The following CCSER1 variants were observed in gnomAD, a reference collection of about 807,000 sequenced individuals.
The protein encoded by CCSER1 is coiled-coil serine rich protein 1.
CCSER1 carries 41 observed loss-of-function variants against 82.0 expected under a neutral mutation model. That is an observed-to-expected ratio of 0.50 (90% CI 0.39 to 0.65). CCSER1 has a LOEUF of 0.65. Ranked by LOEUF, CCSER1 falls within the 30% of genes least tolerant of loss-of-function variation. CCSER1 has a pLI of 0.00. For missense variants in CCSER1, 1,119 were observed against 1,064.2 expected (o/e 1.05, Z -0.72); for synonymous variants, 414 against 383.9 (o/e 1.08, Z -0.92).
intron 10 of CCSER1, among the ~76,000 whole-genome samples, chr4:91,404,462 TC>T (rs1042785946): frequency 4.9e-4 from 75 of 152,326 alleles, no homozygotes; most frequent in African/African-American, 1.7e-3. Flanking sequence ...TGCTCTTGCT[TC>T]TCTAGTTCTT....
At chr4:90,501,315 AC>A (rs1413766583) in intron 5 of CCSER1, among the ~76,000 whole-genome samples, 24 of 152,164 alleles carry the variant, frequency 1.6e-4, no homozygotes, top group Admixed American at 1.5e-3. Context: ...CTTTAAAGTG[AC>A]AAAAATTCTA....
At chr4:91,525,014 G>A (rs988182230) in intron 10 of CCSER1, among the ~76,000 whole-genome samples, 1 of 152,050 alleles carries the variant, frequency 6.6e-6, no homozygotes, top group African/African-American at 2.4e-5. Context: ...AGAACCTGGA[G>A]AGTGGATCAA....
chr4:90,578,130 T>C (rs1780974031), intron 5 of CCSER1, among the ~76,000 whole-genome samples: 1 of 152,168 alleles, frequency 6.6e-6, no homozygotes, highest in South Asian at 2.1e-4. Context: ...ATGATTACTT[T>C]GAGGATTTTT....
At chr4:90,871,491 A>G (rs1324955376) in intron 8 of CCSER1, among the ~76,000 whole-genome samples, 1 of 151,710 alleles carries the variant, frequency 6.6e-6, no homozygotes, top group Non-Finnish European at 1.5e-5. Flanking sequence ...TCCTCTTGTT[A>G]TTGATTTTCA....
chr4:91,439,882 T>C (rs1445645339), intron 10 of CCSER1, among the ~76,000 whole-genome samples: 2 of 152,170 alleles, frequency 1.3e-5, no homozygotes, highest in African/African-American at 4.8e-5. Context: ...CATTACATAA[T>C]GGTAAAGGGA....
chr4:90,201,168 C>A (rs1164110363), intron 1 of CCSER1, among the ~76,000 whole-genome samples: 1 of 152,106 alleles, frequency 6.6e-6, no homozygotes, highest in Non-Finnish European at 1.5e-5. Flanking sequence ...ATTCCTAGGG[C>A]AAATATACAC....
chr4:91,430,635 A>G (rs1754243024), intron 10 of CCSER1, among the ~76,000 whole-genome samples: 1 of 152,258 alleles, frequency 6.6e-6, no homozygotes, highest in African/African-American at 2.4e-5. Context: ...CCAAAAAAAG[A>G]AAACATTATG....
At chr4:90,769,046 A>C (rs1362364008) in intron 7 of CCSER1, among the ~76,000 whole-genome samples, 2 of 152,208 alleles carry the variant, frequency 1.3e-5, no homozygotes, top group Non-Finnish European at 2.9e-5. Flanking sequence ...ATCTTTTGTC[A>C]AGACCTCAGA....
intron 5 of CCSER1, among the ~76,000 whole-genome samples, chr4:90,533,052 C>A (rs1774793722): frequency 6.7e-6 from 1 of 150,138 alleles, no homozygotes; most frequent in African/African-American, 2.4e-5. Context: ...TTTGCATTTA[C>A]CCACAAATTT....
At chr4:91,150,045 A>G (rs1560469132) in intron 10 of CCSER1, among the ~76,000 whole-genome samples, 1 of 152,150 alleles carries the variant, frequency 6.6e-6, no homozygotes, top group Non-Finnish European at 1.5e-5. Flanking sequence ...TGGGGATGGC[A>G]TTGAATCTAT....
At chr4:91,095,571 C>T (rs184060951) in intron 10 of CCSER1, among the ~76,000 whole-genome samples, 67 of 152,248 alleles carry the variant, frequency 4.4e-4, no homozygotes, top group South Asian at 8.3e-4. Flanking sequence ...CGATTTCCTC[C>T]GGATATCTTC....
intron 10 of CCSER1, among the ~76,000 whole-genome samples, chr4:91,401,738 T>C (rs1285425734): frequency 6.6e-6 from 1 of 152,202 alleles, no homozygotes; most frequent in Non-Finnish European, 1.5e-5. Flanking sequence ...CTCATCCTTT[T>C]GTATGGCTGC....
chr4:91,045,646 T>C lies in CCSER1; in HGVS notation c.2173-40304T>C, dbSNP rs1019939616. ...CTATTCCATAATCCTCCATAGTATCTACAATTATAATGAGATTCTTTGATA... is the reference window on the plus strand; with the variant it reads ...CTATTCCATAATCCTCCATAGTATCCACAATTATAATGAGATTCTTTGATA... On this transcript the variant is annotated intron_variant, in intron 9 of 10. Coordinates refer to ENST00000509176, the MANE Select transcript of CCSER1 (RefSeq NM_001145065.2). 1.3e-5 allele frequency among the ~76,000 whole-genome samples: 2 copies of C among 152,212 alleles called. 1 individual carries two copies. The highest frequency in any genetic ancestry group is 4.1e-4 in the South Asian group (2 of 4,834).
intron 10 of CCSER1, among the ~76,000 whole-genome samples, chr4:91,591,070 A>AT (rs1384229446): frequency 6.6e-6 from 1 of 152,060 alleles, no homozygotes; most frequent in Non-Finnish European, 1.5e-5. Flanking sequence ...GTATGGAGAC[A>AT]TTTTTAGTTG....
At chr4:90,574,251 A>ATTTTTTTTTTTTTTTTTTTT (rs777629017) in intron 5 of CCSER1, among the ~76,000 whole-genome samples, 4 of 86,052 alleles carry the variant, frequency 4.6e-5, no homozygotes, top group African/African-American at 1.8e-4. Flanking sequence ...AAACACATTA[A>ATTTTTTTTTTTTTTTTTTTT]TTTTTTTTTT....
chr4:90,293,225 A>G (rs1286344657), intron 1 of CCSER1, among the ~76,000 whole-genome samples: 27 of 151,818 alleles, frequency 1.8e-4, no homozygotes, highest in African/African-American at 4.8e-5. Flanking sequence ...CAGAAAAATG[A>G]AAAATAAATT....
At chr4:90,370,243 C>T (rs1168209934) in intron 3 of CCSER1, 1 of 152,044 alleles carries the variant, frequency 6.6e-6, no homozygotes. Flanking sequence ...GGGCATTCCA[C>T]GTCTGCAGTT....
chr4:90,502,502 G>A (rs1262067800), intron 5 of CCSER1, among the ~76,000 whole-genome samples: 1 of 152,118 alleles, frequency 6.6e-6, no homozygotes, highest in Non-Finnish European at 1.5e-5. Flanking sequence ...CTAAAAGTTT[G>A]TGTTCTCTAA....
At chr4:90,998,723 GTT>G (rs3043069) in intron 9 of CCSER1, among the ~76,000 whole-genome samples, 41,809 of 150,308 alleles carry the variant, frequency 0.28, 6,861 homozygotes, top group East Asian at 0.39. Flanking sequence ...GCATTACACA[GTT>G]TTTTTTTTTT....
Sources: allele counts gnomAD v4.1 joint callset (sites outside exome capture counted in the v4.1 genomes callset), GRCh38; gene constraint gnomAD v4.1.1; transcripts MANE v1.5; gene names NCBI Gene and HGNC (gene_info 2026-07-23, HGNC 2026-07-21).